BTBD8: variants seen among roughly 807,000 people sequenced by gnomAD.
BTBD8 encodes BTB domain containing 8, also known as BTB/POZ domain-containing protein 8.
A neutral mutation model predicts 162.9 loss-of-function variants in BTBD8; 110 were observed. The ratio of observed to expected loss-of-function variants is 0.68; its 90% CI spans 0.58 to 0.79. The LOEUF (loss-of-function observed/expected upper bound fraction) is 0.79, where lower values mean the gene tolerates loss of function less well. Among genes scored for constraint, BTBD8 ranks in the 30% least tolerant of loss-of-function variants. The probability of loss-of-function intolerance (pLI) is 0.00; values close to 1 mark genes in which losing one functional copy is unlikely to be tolerated. For synonymous variants in BTBD8, 667 were observed against 716.1 expected, an observed-to-expected ratio of 0.93 and a Z score of 1.10; for missense variants, 1,905 against 2,085.4, an observed-to-expected ratio of 0.91 and a Z score of 1.68.
At chr1:92,103,354 T>C (rs1204671401) in intron 3 of BTBD8, among the ~76,000 whole-genome samples, 1 of 152,256 alleles carries the variant, frequency 6.6e-6, no homozygotes, top group African/African-American at 2.4e-5. Flanking sequence ...TTATGGTGAA[T>C]GAATAGACAT....
At chr1:92,130,377 T>G (rs1283555741) in intron 5 of BTBD8, among the ~76,000 whole-genome samples, 1 of 152,042 alleles carries the variant, frequency 6.6e-6, no homozygotes, top group Non-Finnish European at 1.5e-5. Flanking sequence ...TATTTTTATT[T>G]TTTTGAGATG....
At chr1:92,111,847 A>G (rs1391680012) in intron 4 of BTBD8, among the ~76,000 whole-genome samples, 5 of 152,184 alleles carry the variant, frequency 3.3e-5, no homozygotes, top group Admixed American at 2.6e-4. Context: ...GGGGCAAACT[A>G]TGGCCTAAAT....
intron 9 of BTBD8, among the ~76,000 whole-genome samples, chr1:92,157,259 T>C (rs1479088707): frequency 6.6e-6 from 1 of 152,212 alleles, no homozygotes; most frequent in Non-Finnish European, 1.5e-5. Flanking sequence ...TTTTATTCCA[T>C]TGTGTTCAGA....
At position 92,181,812 on chromosome 1, in the gene BTBD8, C is replaced by A; in HGVS notation, c.4129C>A (p.Gln1377Lys). 6.4e-7 allele frequency: 1 copy of A among 1,551,064 alleles called. No homozygotes were observed. Among genetic ancestry groups the A allele is most frequent in the South Asian group, 1.2e-5 (1 of 84,006 alleles). ...TGTCCAGTTTGCTCAGGAAATAGAT[C>A]AGGTATCTTCTTCAGCAGATGAAAC... ...GSVQFAQEID[Q>K]VSSSADETED... The change falls in exon 17 of 18, where the codon CAG becomes AAG. Residue 1377 changes from glutamine to lysine, a missense_variant. Around this residue, in one of 3 missense-constraint regions of BTBD8, gnomAD observed 517 missense variants for 606.6 expected, o/e 0.85. Transcript: ENST00000636805.
intron 1 of BTBD8, among the ~76,000 whole-genome samples, chr1:92,082,425 G>A (rs1217821036): frequency 6.6e-6 from 1 of 152,202 alleles, no homozygotes; most frequent in Non-Finnish European, 1.5e-5. Flanking sequence ...TTACACTCTA[G>A]TGAGAGAGGA....
chr1:92,144,048 A>T (rs1340174313), intron 7 of BTBD8, among the ~76,000 whole-genome samples: 1 of 132,374 alleles, frequency 7.6e-6, no homozygotes, highest in South Asian at 2.3e-4. Flanking sequence ...ATCTCAGCTC[A>T]CTGTAACCTC....
Position 92,141,163 on chromosome 1 carries a change from A to G in BTBD8, c.882A>G (p.Glu294=), listed in dbSNP as rs377434732. Residue 294 remains glutamate, a synonymous_variant, in exon 7 of 18, where the codon GAA becomes GAG. Transcript: ENST00000636805. ...TGTATGGACTAGAAGGATTAAAAGA[A>G]GTAGCAATCTATATTTTAAGAAGAG... The part of the protein sequence containing the change: ...ADMYGLEGLK[E]VAIYILRRDY... The G allele has an allele frequency of 1.3e-6, 2 of 1,583,854 alleles. No homozygotes were observed. The highest frequency in any genetic ancestry group is 1.1e-5 in the South Asian group (1 of 88,280).
At chr1:92,104,041 C>T (rs1648662644) in intron 3 of BTBD8, among the ~76,000 whole-genome samples, 1 of 152,170 alleles carries the variant, frequency 6.6e-6, no homozygotes, top group Non-Finnish European at 1.5e-5. Flanking sequence ...AGGTGCATGG[C>T]TCAGTTCAGC....
At chr1:92,134,147 T>G (rs1366003164) in intron 5 of BTBD8, among the ~76,000 whole-genome samples, 1 of 152,180 alleles carries the variant, frequency 6.6e-6, no homozygotes, top group Non-Finnish European at 1.5e-5. Flanking sequence ...TCCACTTGTT[T>G]CATTTTATTA....
chr1:92,102,434 C>A, intron 2 of BTBD8, 39 bp from the exon 3 acceptor site: 1 of 1,234,978 alleles, frequency 8.1e-7, no homozygotes, highest in Non-Finnish European at 1.1e-6. Flanking sequence ...TAAGAATCAC[C>A]AATGTTATTT....
chr1:92,174,531 A>G (rs865892987), intron 13 of BTBD8, among the ~76,000 whole-genome samples: 1 of 152,326 alleles, frequency 6.6e-6, no homozygotes, highest in Middle Eastern at 3.4e-3. Flanking sequence ...CATAAATTCA[A>G]GGATAGAATA....
chr1:92,124,486 G>A (rs1649301454), intron 4 of BTBD8, among the ~76,000 whole-genome samples: 1 of 152,218 alleles, frequency 6.6e-6, no homozygotes, highest in Non-Finnish European at 1.5e-5. Flanking sequence ...ATATCTGTTG[G>A]ATTAAAGATG....
intron 13 of BTBD8, among the ~76,000 whole-genome samples, chr1:92,176,364 A>C (rs1312162142): frequency 6.6e-6 from 1 of 152,190 alleles, no homozygotes; most frequent in Non-Finnish European, 1.5e-5. Context: ...TTAATCCTCA[A>C]TTTCTTGTCT....
chr1:92,169,472 G>A (rs758132029), intron 12 of BTBD8, among the ~76,000 whole-genome samples: 7 of 151,978 alleles, frequency 4.6e-5, no homozygotes, highest in African/African-American at 7.3e-5. Context: ...GTGCTATTGC[G>A]GACTGTCCCT....
intron 9 of BTBD8, among the ~76,000 whole-genome samples, chr1:92,159,314 G>T (rs1377634564): frequency 6.6e-6 from 1 of 151,788 alleles, no homozygotes; most frequent in Non-Finnish European, 1.5e-5. Flanking sequence ...AGCTGGGACT[G>T]CAGGTGCATG....
chr1:92,180,230 T>A (rs1650840874), intron 16 of BTBD8, 35 bp from the exon 17 acceptor site: 13 of 1,423,670 alleles, frequency 9.1e-6, no homozygotes, highest in Non-Finnish European at 1.2e-5. Context: ...GGAGGTGATA[T>A]TACATTACTG....
chr1:92,084,671 C>G (rs1363051099), intron 1 of BTBD8, among the ~76,000 whole-genome samples: 1 of 152,184 alleles, frequency 6.6e-6, no homozygotes, highest in South Asian at 2.1e-4. Flanking sequence ...TGGACTCTCT[C>G]CCCTGTATGT....
At position 92,109,634 on chromosome 1, in the gene BTBD8, G is replaced by C. The variant is rs372158730; in HGVS notation, c.662+1633G>C. Among the ~76,000 whole-genome samples, 43 of 152,264 alleles carry C rather than the reference G, an allele frequency of 2.8e-4. No homozygotes were observed. The South Asian group carries it at 8.5e-3, about 30-fold the overall frequency. On this transcript the variant is annotated intron_variant, in intron 4 of 17. Coordinates refer to ENST00000636805, the MANE Select transcript of BTBD8 (RefSeq NM_001376131.1). ...CTACTTTTTTCTTGCCCTTATGTAAGTTAGAATAGCCAATTTTAAATTATA... is the reference window on the plus strand; with the variant it reads ...CTACTTTTTTCTTGCCCTTATGTAACTTAGAATAGCCAATTTTAAATTATA...
chr1:92,182,334 C>T lies in BTBD8; in HGVS notation c.4651C>T (p.Arg1551Ter), dbSNP rs1650938685. The change falls in exon 17 of 18, where the codon CGA becomes TGA. Residue 1551 changes from arginine to a stop codon, truncating the protein, a stop_gained. Transcript: ENST00000636805. LOFTEE classifies it high-confidence loss of function. Reference protein sequence around the residue: ...VLSSRSRQLLREDKKVNNGSN... With the variant: ...VLSSRSRQLL Reference sequence around the variant, plus strand: ...ATCCAGTAGAAGCAGACAGCTTCTTCGAGAAGATAAAAAAGTAAACAATGG... The same window carrying T: ...ATCCAGTAGAAGCAGACAGCTTCTTTGAGAAGATAAAAAAGTAAACAATGG... 3.2e-6 allele frequency: 5 copies of T among 1,550,498 alleles called. No individual in the cohort carries two copies. The highest frequency in any genetic ancestry group is 2.0e-5 in the Admixed American group (1 of 50,770).
Sources: gnomAD v4.1 joint callset for allele counts (sites outside exome capture counted in the v4.1 genomes callset) on GRCh38, gnomAD v4.1.1 for gene constraint, gnomAD v4.1.1 regional missense constraint, MANE v1.5 for transcripts, NCBI Gene and HGNC (gene_info 2026-07-23, HGNC 2026-07-21) for gene names.